IFT172: variants seen among roughly 807,000 people sequenced by gnomAD.
The protein encoded by IFT172 is intraflagellar transport 172.
In IFT172, 164 loss-of-function variants were observed where a neutral mutation model predicts 248.9. The observed-to-expected ratio is 0.66, with a 90% CI of 0.58 to 0.75. IFT172 has a LOEUF of 0.75. Ranked by LOEUF, IFT172 falls within the 30% of genes least tolerant of loss-of-function variation. IFT172 has a pLI of 0.00. For missense variants in IFT172, 1,950 were observed against 2,192.4 expected (o/e 0.89, Z 2.21); for synonymous variants, 729 against 791.6 (o/e 0.92, Z 1.33).
intron 40 of IFT172, 111 bp downstream of exon 40, chr2:27,448,804 C>T (rs1035537261): frequency 9.7e-6 from 7 of 720,242 alleles, no homozygotes; most frequent in African/African-American, 5.2e-5. Flanking sequence ...CTGGGCATGA[C>T]GTTCTCTAAG....
rs778512057 is a variant in IFT172 at position 27,462,749 on chromosome 2, G to A, written c.2067C>T (p.Ala689=). Residue 689 remains alanine, a synonymous_variant, in exon 20 of 48, where the codon GCC becomes GCT. Coordinates refer to ENST00000260570, the MANE Select transcript of IFT172 (RefSeq NM_015662.3). ...TDFYQVRARL[A]MLEKNYKLAE... is the part of the protein sequence containing the mutation. ...CCAGTTTGTAGTTCTTTTCCAGCATGGCTAGACGTGCTCGGACCTGATAAA... is the reference window on the plus strand; with the variant it reads ...CCAGTTTGTAGTTCTTTTCCAGCATAGCTAGACGTGCTCGGACCTGATAAA... 1.2e-6 allele frequency: 2 copies of A among 1,614,016 alleles called. No individual in the cohort carries two copies. The highest frequency in any genetic ancestry group is 2.2e-5 in the South Asian group (2 of 91,078).
chr2:27,448,945 A>C lies in IFT172; in HGVS notation c.4398T>G (p.Tyr1466Ter). The change falls in exon 40 of 48, where the codon TAT becomes TAG. Residue 1466 changes from tyrosine (Y) to a stop codon, truncating the protein, a stop_gained. Transcript: ENST00000260570. LOFTEE classifies it high-confidence loss of function. Reference sequence around the variant, plus strand: ...GGTTAGCAGGGGCTCCGTGCTGTACATACAGGGCCAATGCCTGGGCAGAGC... The same window carrying C: ...GGTTAGCAGGGGCTCCGTGCTGTACCTACAGGGCCAATGCCTGGGCAGAGC... ...EGSSAQALALYVQHGAPANPQ... is the reference protein window; with the variant it reads ...EGSSAQALAL The C allele has an allele frequency of 6.2e-7, 1 of 1,603,292 alleles. No homozygotes were observed. The highest frequency in any genetic ancestry group is 8.5e-7 in the Non-Finnish European group (1 of 1,170,060).
intron 16 of IFT172, among the ~76,000 whole-genome samples, chr2:27,469,933 G>C (rs986128385): frequency 6.6e-6 from 1 of 152,138 alleles, no homozygotes; most frequent in South Asian, 2.1e-4. Context: ...TTAAAGTCTT[G>C]TATTGTTTGC....
At chr2:27,479,948 A>C (rs1668237164) in intron 9 of IFT172, 78 bp downstream of exon 9, 1 of 1,520,646 alleles carries the variant, frequency 6.6e-7, no homozygotes, top group Non-Finnish European at 8.9e-7. Flanking sequence ...GTCAGGGAAC[A>C]GTGCTTTAGG....
chr2:27,471,224 C>A, intron 15 of IFT172, 129 bp from the exon 16 acceptor site: 1 of 809,870 alleles, frequency 1.2e-6, no homozygotes, highest in Non-Finnish European at 1.9e-6. Flanking sequence ...CATTTCAAAG[C>A]TTACTGACCT....
Position 27,457,957 on chromosome 2 carries a change from C to T in IFT172, c.2995G>A (p.Glu999Lys). The T allele has an allele frequency of 6.2e-7, 1 of 1,614,186 alleles. No homozygotes were observed. Among genetic ancestry groups the T allele is most frequent in the Non-Finnish European group, 8.5e-7 (1 of 1,180,028 alleles). The change falls in exon 28 of 48, where the codon GAG (glutamate) becomes AAG (lysine). Residue 999 changes from glutamate to lysine, a missense_variant. By Grantham distance (56) the Glu-to-Lys change is moderately conservative. Coordinates refer to ENST00000260570, the MANE Select transcript of IFT172 (RefSeq NM_015662.3). ...EAERLYVTVQEPDLAITMYKK... is the reference protein window; with the variant it reads ...EAERLYVTVQKPDLAITMYKK... ...TACATGGTGATGGCAAGATCAGGCTCTTGTACTGTCACATATAGCCTGGGG... is the reference window on the plus strand; with the variant it reads ...TACATGGTGATGGCAAGATCAGGCTTTTGTACTGTCACATATAGCCTGGGG...
chr2:27,461,587 A>G, intron 21 of IFT172, 70 bp from the exon 22 acceptor site: 2 of 1,569,870 alleles, frequency 1.3e-6, no homozygotes, highest in Non-Finnish European at 1.7e-6. Flanking sequence ...ATGCTTCTCC[A>G]ATCCCTCTAT....
Position 27,462,942 on chromosome 2 carries a change from A to G in IFT172, c.2023-149T>C, listed in dbSNP as rs970139017. On this transcript the variant is annotated intron_variant, in intron 19 of 47. Coordinates refer to ENST00000260570, the MANE Select transcript of IFT172 (RefSeq NM_015662.3). ...GAGCTTAAAGGTTTGAGGTTTAGCA[A>G]AAGCAATTCTGAAATGGTCTGACTT... The G allele has an allele frequency of 6.9e-6, 8 of 1,154,016 alleles. No individual in the cohort carries two copies. In the African/African-American group the frequency reaches 1.2e-4, roughly 18 times the overall value. The allele number at this position is 1,154,016 out of a possible 1,614,324, so 71.5% of individuals were successfully genotyped here. A position where few individuals can be genotyped will look rare whatever the true frequency, so the allele number is the denominator to read the frequency against.
chr2:27,487,874 T>C (rs2148564087), intron 1 of IFT172, among the ~76,000 whole-genome samples: 1 of 152,218 alleles, frequency 6.6e-6, no homozygotes, highest in Non-Finnish European at 1.5e-5. Flanking sequence ...CATGAACCAC[T>C]GCGCCTGGCC....
In IFT172 at chr2:27,454,630, C is replaced by G. The variant is rs760744745; in HGVS notation, c.3402G>C (p.Arg1134=). 6.2e-7 allele frequency: 1 copy of G among 1,613,846 alleles called. No individual in the cohort carries two copies. Among genetic ancestry groups the G allele is most frequent in the Non-Finnish European group, 8.5e-7 (1 of 1,180,010 alleles). ...CGGGGGTTTTGTGCTTGAGGGCCAGCCGAGAGAGTTCAAACGCAAATTCAA... is the reference window on the plus strand; with the variant it reads ...CGGGGGTTTTGTGCTTGAGGGCCAGGCGAGAGAGTTCAAACGCAAATTCAA... ...CSFEFAFELS[R]LALKHKTPEV... is the part of the protein sequence containing the mutation. The change falls in exon 31 of 48, where the codon CGG becomes CGC. Residue 1134 remains arginine, a synonymous_variant. Transcript: ENST00000260570. The surrounding 1 kb of genome is among the most constrained non-coding windows in gnomAD (Gnocchi z 4.2).
At chr2:27,444,687 G>T (rs185432065) in intron 47 of IFT172, among the ~76,000 whole-genome samples, 166 bp from the exon 48 acceptor site, 1 of 152,008 alleles carries the variant, frequency 6.6e-6, no homozygotes, top group Admixed American at 6.6e-5. Context: ...TTGCTTTGTC[G>T]CCCAGGCTGG....
At chr2:27,460,965 G>A in intron 23 of IFT172, 50 bp downstream of exon 23, 1 of 1,611,602 alleles carries the variant, frequency 6.2e-7, no homozygotes, top group East Asian at 2.2e-5. Flanking sequence ...CAGGGAACCA[G>A]ATGGGCAAGA....
At chr2:27,450,509 A>C (rs1181714949) in intron 35 of IFT172, among the ~76,000 whole-genome samples, 2 of 152,220 alleles carry the variant, frequency 1.3e-5, no homozygotes, top group Non-Finnish European at 2.9e-5. Flanking sequence ...TCATTCACAC[A>C]CACTGGATTT....
At chr2:27,462,592 C>T in intron 20 of IFT172, 109 bp downstream of exon 20, 1 of 939,394 alleles carries the variant, frequency 1.1e-6, no homozygotes, top group Non-Finnish European at 1.7e-6. Context: ...TTCCCCAAAC[C>T]TTTGGAAGCC....
At chr2:27,484,970 C>T (rs1286796940) in intron 3 of IFT172, 48 bp downstream of exon 3, 4 of 1,095,738 alleles carry the variant, frequency 3.7e-6, no homozygotes, top group Non-Finnish European at 5.6e-6. Context: ...TTTCTCTTGC[C>T]TTCCCCTTCT....
intron 14 of IFT172, among the ~76,000 whole-genome samples, chr2:27,474,040 T>C (rs1306543729): frequency 6.6e-6 from 1 of 152,158 alleles, no homozygotes; most frequent in Non-Finnish European, 1.5e-5. Context: ...ACTCCTGACC[T>C]CAGGTGATCC....
chr2:27,446,723 C>T (rs1474700720), intron 42 of IFT172, among the ~76,000 whole-genome samples: 3 of 117,966 alleles, frequency 2.5e-5, no homozygotes, highest in South Asian at 2.9e-4. Context: ...GACGGAGTCT[C>T]GCTCTGTCGC....
At chr2:27,464,274 C>T (rs1465573384) in intron 18 of IFT172, among the ~76,000 whole-genome samples, 1 of 152,194 alleles carries the variant, frequency 6.6e-6, no homozygotes, top group Non-Finnish European at 1.5e-5. Context: ...GAGCACTTTG[C>T]ACAGATTCTC....
intron 40 of IFT172, among the ~76,000 whole-genome samples, 165 bp downstream of exon 40, chr2:27,448,750 A>G (rs1258932462): frequency 6.6e-6 from 1 of 152,178 alleles, no homozygotes; most frequent in Non-Finnish European, 1.5e-5. Flanking sequence ...GCAAATACAC[A>G]GCCTCCAGAG....
Sources: allele counts gnomAD v4.1 joint callset (sites outside exome capture counted in the v4.1 genomes callset), GRCh38; gene constraint gnomAD v4.1.1; non-coding constraint Gnocchi (gnomAD v3.1); transcripts MANE v1.5; gene names NCBI Gene and HGNC (gene_info 2026-07-23, HGNC 2026-07-21).